The following GUCY1A2 variants were observed in gnomAD, a reference collection of about 807,000 sequenced individuals.
GUCY1A2 encodes guanylate cyclase soluble subunit alpha-2.
A neutral mutation model predicts 63.5 loss-of-function variants in GUCY1A2; 27 were observed. The ratio of observed to expected loss-of-function variants is 0.43; its 90% CI spans 0.31 to 0.59. GUCY1A2 has a LOEUF of 0.59. GUCY1A2 is among the 20% of genes least tolerant of loss of function. The probability of loss-of-function intolerance (pLI) is 0.11; values close to 1 mark genes in which losing one functional copy is unlikely to be tolerated. For synonymous variants in GUCY1A2, 364 were observed against 343.5 expected (o/e 1.06, Z -0.66); for missense variants, 768 against 913.3 (o/e 0.84, Z 2.05).
chr11:106,863,113 C>T (rs988256157), intron 4 of GUCY1A2, among the ~76,000 whole-genome samples: 1 of 151,358 alleles, frequency 6.6e-6, no homozygotes, highest in Admixed American at 6.6e-5. Flanking sequence ...AAAGATAATC[C>T]CTTTTGCTGT....
Position 107,018,135 on chromosome 11 carries a change from C to G in GUCY1A2, c.-80G>C. The G allele has an allele frequency of 7.5e-6, 7 of 936,458 alleles. No homozygotes were observed. The highest frequency in any genetic ancestry group is 1.0e-5 in the Non-Finnish European group (7 of 700,074). 58.0% of individuals were successfully genotyped at this position (936,458 alleles called of 1,614,324 possible). A position where few individuals can be genotyped will look rare whatever the true frequency, so the allele number is the denominator to read the frequency against. On this transcript the variant is annotated 5_prime_UTR_variant, in exon 1 of 8. Coordinates refer to ENST00000526355, the MANE Select transcript of GUCY1A2 (RefSeq NM_000855.3). ...GCGGAGGCGGCGGTGGCGGGACCGG[C>G]AAGCGACAACGTTAAGCGCGTCGGG...
At chr11:106,824,971 A>G (rs77535954) in intron 4 of GUCY1A2, 543,383 of 1,611,716 alleles carry the variant, frequency 0.34, 95,107 homozygotes, top group Admixed American at 0.51. Context: ...GAATGTTACT[A>G]AATTTTCTAA....
At chr11:106,870,414 T>C (rs1213891290) in intron 4 of GUCY1A2, among the ~76,000 whole-genome samples, 1 of 152,166 alleles carries the variant, frequency 6.6e-6, no homozygotes, top group Non-Finnish European at 1.5e-5. Flanking sequence ...TTTATAGTTG[T>C]ATGTGAATTA....
intron 6 of GUCY1A2, among the ~76,000 whole-genome samples, chr11:106,733,780 A>AG (rs1863542996): frequency 6.6e-6 from 1 of 152,104 alleles, no homozygotes. Context: ...GGGGAGAAAG[A>AG]CTGAGGAAGC....
At chr11:106,927,496 G>C (rs1457668105) in intron 4 of GUCY1A2, among the ~76,000 whole-genome samples, 2 of 152,026 alleles carry the variant, frequency 1.3e-5, no homozygotes, top group African/African-American at 4.8e-5. Flanking sequence ...TTTTTGAGTT[G>C]ACATAGAATG....
At chr11:106,875,229 C>T (rs768366709) in intron 4 of GUCY1A2, among the ~76,000 whole-genome samples, 35 of 152,070 alleles carry the variant, frequency 2.3e-4, no homozygotes, top group Non-Finnish European at 1.3e-4. Flanking sequence ...TAGCTCACTC[C>T]TTCTGCCAAG....
chr11:106,916,431 A>G (rs1313182955), intron 4 of GUCY1A2, among the ~76,000 whole-genome samples: 1 of 145,360 alleles, frequency 6.9e-6, no homozygotes, highest in African/African-American at 2.4e-5. Context: ...TATTAAATAT[A>G]AGTAAGAAAT....
chr11:106,690,035 GT>G (rs1862595884), intron 7 of GUCY1A2, among the ~76,000 whole-genome samples: 1 of 151,808 alleles, frequency 6.6e-6, no homozygotes, highest in Admixed American at 6.6e-5. Flanking sequence ...TGCTGGCAAG[GT>G]TTTGGAGAAA....
At chr11:106,741,162 A>G (rs1048673257) in intron 6 of GUCY1A2, among the ~76,000 whole-genome samples, 2 of 152,252 alleles carry the variant, frequency 1.3e-5, no homozygotes, top group Admixed American at 1.3e-4. Context: ...AACTAATTAA[A>G]TAGCATTTTA....
chr11:106,749,701 T>G (rs534123835), intron 6 of GUCY1A2, among the ~76,000 whole-genome samples: 1 of 152,170 alleles, frequency 6.6e-6, no homozygotes, highest in South Asian at 2.1e-4. Flanking sequence ...TGGAATCTAG[T>G]CCACATTGCT....
rs538434179 is a variant in GUCY1A2, at chr11:106,852,379, G to A, written c.1207-41901C>T. Among the ~76,000 whole-genome samples, 7 of 152,108 alleles carry A rather than the reference G, an allele frequency of 4.6e-5. No individual in the cohort carries two copies. In the South Asian group the frequency reaches 1.5e-3, roughly 32 times the overall value. ...AAGAGTGGTGAAAGCAGACATCTTT[G>A]CCTTGTCTCAGTTCTTAGAGGAAAG... On this transcript the variant is annotated intron_variant, in intron 4 of 7. Transcript: ENST00000526355.
At chr11:106,770,837 T>A (rs1265470878) in intron 6 of GUCY1A2, among the ~76,000 whole-genome samples, 3 of 160 alleles carry the variant, frequency 0.019, no homozygotes, top group Non-Finnish European at 0.031. Context: ...CAATCTCAAT[T>A]GCAAATCAGG....
rs960643094 is a variant in GUCY1A2 at position 106,676,643 on chromosome 11, C to T, written c.*10906G>A. ...AGGGTATCTAAGAAAGAAGACAGTGCATCAGTTATCTCTAGATAAAGAGCC... is the reference window on the plus strand; with the variant it reads ...AGGGTATCTAAGAAAGAAGACAGTGTATCAGTTATCTCTAGATAAAGAGCC... On this transcript the variant is annotated 3_prime_UTR_variant, in exon 8 of 8. Coordinates refer to ENST00000526355, the MANE Select transcript of GUCY1A2 (RefSeq NM_000855.3). 1.0e-5 allele frequency: 2 copies of T among 191,032 alleles called. No individual in the cohort carries two copies. Among genetic ancestry groups the T allele is most frequent in the East Asian group, 1.6e-4 (2 of 12,188 alleles). 11.8% of individuals were successfully genotyped at this position (191,032 alleles called of 1,614,324 possible). A position where few individuals can be genotyped will look rare whatever the true frequency, so the allele number is the denominator to read the frequency against.
At chr11:106,882,369 C>T (rs1285016835) in intron 4 of GUCY1A2, among the ~76,000 whole-genome samples, 1 of 151,988 alleles carries the variant, frequency 6.6e-6, no homozygotes, top group Non-Finnish European at 1.5e-5. Flanking sequence ...TGATTGCTAA[C>T]TGTGCACCTT....
intron 2 of GUCY1A2, among the ~76,000 whole-genome samples, chr11:106,981,024 G>T (rs981450737): frequency 6.6e-6 from 1 of 152,160 alleles, no homozygotes; most frequent in African/African-American, 2.4e-5. Flanking sequence ...TTAAATAAAA[G>T]ATGGAAAGTG....
intron 7 of GUCY1A2, among the ~76,000 whole-genome samples, chr11:106,688,855 A>C (rs907714904): frequency 6.6e-6 from 1 of 152,206 alleles, no homozygotes; most frequent in Admixed American, 6.5e-5. Context: ...TAGAAACAAG[A>C]ATATTGTAAA....
At chr11:107,012,070 A>G (rs1861753826) in intron 1 of GUCY1A2, among the ~76,000 whole-genome samples, 1 of 152,164 alleles carries the variant, frequency 6.6e-6, no homozygotes, top group Non-Finnish European at 1.5e-5. Context: ...TTGTATTTTT[A>G]TAGAATTTAT....
At chr11:106,980,405 C>A (rs2120124316) in intron 2 of GUCY1A2, among the ~76,000 whole-genome samples, 1 of 152,290 alleles carries the variant, frequency 6.6e-6, no homozygotes, top group South Asian at 2.1e-4. Context: ...CAAGAGAGGA[C>A]TGCTACAACC....
intron 4 of GUCY1A2, among the ~76,000 whole-genome samples, chr11:106,887,302 C>CA (rs1033362705): frequency 6.6e-6 from 1 of 152,130 alleles, no homozygotes; most frequent in Admixed American, 6.6e-5. Flanking sequence ...TGATCCTTTA[C>CA]ACCATGTATA....
Sources: gnomAD v4.1 joint callset for allele counts (sites outside exome capture counted in the v4.1 genomes callset) on GRCh38, gnomAD v4.1.1 for gene constraint, MANE v1.5 for transcripts, NCBI Gene and HGNC (gene_info 2026-07-23, HGNC 2026-07-21) for gene names.